The following LARP4B variants were observed in gnomAD, a reference collection of about 807,000 sequenced individuals.
LARP4B encodes the protein la-related protein 4B.
In LARP4B, 12 loss-of-function variants were observed where a neutral mutation model predicts 89.8. The observed-to-expected ratio is 0.13, with a 90% CI of 0.09 to 0.22. The LOEUF (loss-of-function observed/expected upper bound fraction) is 0.22. Ranked by LOEUF, LARP4B falls within the 10% of genes least tolerant of loss-of-function variation. LARP4B has a pLI of 1.00. For synonymous variants in LARP4B, 367 were observed against 363.3 expected, an observed-to-expected ratio of 1.01 and a Z score of -0.12; for missense variants, 757 against 947.7, an observed-to-expected ratio of 0.80 and a Z score of 2.64.
the LARP4B span, among the ~76,000 whole-genome samples, chr10:982,359 G>T: frequency 1.3e-5 from 2 of 152,046 alleles, no homozygotes; most frequent in African/African-American, 4.8e-5. Flanking sequence ...CCAAAGTGCT[G>T]CGATTACAGG....
At chr10:945,848 C>A in the LARP4B span, among the ~76,000 whole-genome samples, 1 of 152,138 alleles carries the variant, frequency 6.6e-6, no homozygotes, top group South Asian at 2.1e-4. Context: ...GGGCCCTGAT[C>A]CAATGAGGTT....
At chr10:920,648 T>C (rs1836953462) in intron 1 of LARP4B, among the ~76,000 whole-genome samples, 3 of 152,054 alleles carry the variant, frequency 2.0e-5, no homozygotes, top group Admixed American at 2.0e-4. Context: ...GTGACGTGCC[T>C]GTAGTCCTGG....
chr10:824,805 T>C (rs1832538759), intron 13 of LARP4B, among the ~76,000 whole-genome samples: 1 of 152,220 alleles, frequency 6.6e-6, no homozygotes, highest in Admixed American at 6.5e-5. Context: ...TGCAGGCACA[T>C]GGGATGGAGT....
chr10:987,289 G>A, the LARP4B span: 3 of 152,262 alleles, frequency 2.0e-5, no homozygotes, highest in Non-Finnish European at 4.4e-5. Context: ...TAATAGATGA[G>A]AAAAGCATGA....
chr10:893,646 G>A (rs1836104018), intron 1 of LARP4B, among the ~76,000 whole-genome samples: 1 of 152,096 alleles, frequency 6.6e-6, no homozygotes, highest in African/African-American at 2.4e-5. Context: ...CGCTTTTCCA[G>A]AGCACTAGTT....
intron 1 of LARP4B, among the ~76,000 whole-genome samples, chr10:905,308 C>G (rs952373029): frequency 2.0e-5 from 3 of 152,200 alleles, no homozygotes. Flanking sequence ...TGATAAAATA[C>G]ACCTTATTTT....
intron 1 of LARP4B, among the ~76,000 whole-genome samples, chr10:928,285 T>C (rs1027599224): frequency 3.9e-5 from 6 of 152,028 alleles, no homozygotes; most frequent in Admixed American, 2.0e-4. Context: ...ATGAAATCGA[T>C]TGATGGTAAC....
intron 8 of LARP4B, among the ~76,000 whole-genome samples, chr10:835,571 T>C (rs769093906): frequency 2.0e-5 from 3 of 152,208 alleles, no homozygotes; most frequent in Non-Finnish European, 4.4e-5. Flanking sequence ...ACCATCAGTG[T>C]GTTTACTACA....
At chr10:853,286 T>A (rs1352537923) in intron 5 of LARP4B, among the ~76,000 whole-genome samples, 1 of 152,242 alleles carries the variant, frequency 6.6e-6, no homozygotes, top group African/African-American at 2.4e-5. Flanking sequence ...AAGTTCTGTT[T>A]TCCCAGTGAA....
the LARP4B span, among the ~76,000 whole-genome samples, chr10:952,103 C>T: frequency 1.3e-5 from 2 of 151,724 alleles, no homozygotes; most frequent in South Asian, 2.1e-4. Flanking sequence ...CTTTGGGAGG[C>T]CAAAGTGGGT....
At chr10:821,063 A>G in intron 13 of LARP4B, 2 of 562,980 alleles carry the variant, frequency 3.6e-6, no homozygotes, top group Non-Finnish European at 6.3e-6. Flanking sequence ...AAGTCCAGGC[A>G]AGTGATAAAG....
intron 1 of LARP4B, among the ~76,000 whole-genome samples, chr10:893,452 T>C (rs1015559460): frequency 6.6e-6 from 1 of 152,318 alleles, no homozygotes; most frequent in East Asian, 1.9e-4. Flanking sequence ...GTGGTCATTT[T>C]TTAAAATTGG....
chr10:853,656 C>G (rs1390114584), intron 5 of LARP4B, among the ~76,000 whole-genome samples: 1 of 152,158 alleles, frequency 6.6e-6, no homozygotes, highest in Non-Finnish European at 1.5e-5. Flanking sequence ...TGCACTCCAG[C>G]CTAAGTGACG....
chr10:923,046 G>T (rs1219536862), intron 1 of LARP4B, among the ~76,000 whole-genome samples: 3 of 151,920 alleles, frequency 2.0e-5, no homozygotes, highest in African/African-American at 7.3e-5. Context: ...CTGCACTCCA[G>T]CCTGGGAAAC....
chr10:941,185 A>G, the LARP4B span, among the ~76,000 whole-genome samples: 1 of 152,064 alleles, frequency 6.6e-6, no homozygotes, highest in Non-Finnish European at 1.5e-5. Flanking sequence ...GGTGCTGGGG[A>G]CTCAGCCTGC....
At position 811,358 on chromosome 10, in the gene LARP4B, C is replaced by T. The variant is rs1240676611; in HGVS notation, c.*1568G>A. On this transcript the variant is annotated 3_prime_UTR_variant, in exon 18 of 18. Coordinates refer to ENST00000316157, the MANE Select transcript of LARP4B (RefSeq NM_015155.3). The stretch of plus-strand genomic sequence containing the variant: ...ACAACTGTACAAGCGAAGCACACTC[C>T]AAGTGCACGTATTTAATACAGTATT... 6.6e-6 allele frequency: 1 copy of T among 152,604 alleles called. No individual in the cohort carries two copies. The highest frequency in any genetic ancestry group is 1.5e-5 in the Non-Finnish European group (1 of 68,044). The allele number at this position is 152,604 out of a possible 1,614,324, so 9.5% of individuals were successfully genotyped here.
chr10:833,814 G>A (rs947191780), intron 8 of LARP4B, among the ~76,000 whole-genome samples: 10 of 151,486 alleles, frequency 6.6e-5, no homozygotes, highest in Non-Finnish European at 1.5e-4. Context: ...ACTTGAACCC[G>A]GGAGGCAGAG....
the LARP4B span, among the ~76,000 whole-genome samples, chr10:976,128 CG>C: frequency 6.9e-6 from 1 of 144,352 alleles, no homozygotes; most frequent in African/African-American, 2.5e-5. Context: ...CGTGTGGACC[CG>C]GCCTAGTAGA....
Position 902,370 on chromosome 10 carries a change from C to T in LARP4B, c.-39-16610G>A, listed in dbSNP as rs547047585. On this transcript the variant is annotated intron_variant, in intron 1 of 17. Transcript: ENST00000316157. ...TCGGAGTACCACTTCTTGCTTTTAT[C>T]CCGTGCTACACCTTTCCCAGTAAAG... is the stretch of plus-strand genomic sequence containing the variant. Among the ~76,000 whole-genome samples, 27 of 152,330 alleles carry T rather than the reference C, an allele frequency of 1.8e-4. 1 individual carries two copies. The South Asian group carries it at 5.6e-3, about 32-fold the overall frequency.
Sources: gnomAD v4.1 joint callset for allele counts (sites outside exome capture counted in the v4.1 genomes callset) on GRCh38, gnomAD v4.1.1 for gene constraint, MANE v1.5 for transcripts, NCBI Gene and HGNC (gene_info 2026-07-23, HGNC 2026-07-21) for gene names.